The following ADGRV1 variants were observed in gnomAD, a reference collection of about 807,000 sequenced individuals.
ADGRV1 encodes G-protein coupled receptor 98.
ADGRV1 carries 359 observed loss-of-function variants against 596.2 expected under a neutral mutation model. The ratio of observed to expected loss-of-function variants is 0.60; its 90% CI spans 0.55 to 0.66. The LOEUF (loss-of-function observed/expected upper bound fraction) is 0.66, where lower values mean the gene tolerates loss of function less well. ADGRV1 is among the 30% of genes least tolerant of loss of function. The pLI, the probability that ADGRV1 is intolerant of heterozygous loss-of-function variation, is 0.00. For missense variants in ADGRV1, 7,274 were observed against 7,575.6 expected, an observed-to-expected ratio of 0.96 and a Z score of 1.48; for synonymous variants, 2,681 against 2,679.2, an observed-to-expected ratio of 1.00 and a Z score of -0.02.
chr5:91,122,791 C>T (rs1275361721), intron 87 of ADGRV1, among the ~76,000 whole-genome samples: 1 of 152,194 alleles, frequency 6.6e-6, no homozygotes. Context: ...TTTTCTCTTT[C>T]TCTTGCCCCC....
At chr5:90,662,206 T>TC (rs1770429975) in intron 21 of ADGRV1, among the ~76,000 whole-genome samples, 1 of 150,400 alleles carries the variant, frequency 6.6e-6, no homozygotes, top group Non-Finnish European at 1.5e-5. Context: ...TTTTTTTTTT[T>TC]TGAGACGGAG....
At chr5:90,620,025 A>G (rs1011406494) in intron 4 of ADGRV1, among the ~76,000 whole-genome samples, 1 of 151,820 alleles carries the variant, frequency 6.6e-6, no homozygotes, top group Admixed American at 6.6e-5. Flanking sequence ...GTTGGTTCCA[A>G]GTCTTTGCTA....
At chr5:90,815,857 C>CGTCT (rs1341819323) in intron 75 of ADGRV1, 121 bp downstream of exon 75, 3 of 616,008 alleles carry the variant, frequency 4.9e-6, no homozygotes, top group Admixed American at 2.3e-5. Context: ...GAATTTGGCA[C>CGTCT]GTCTTCAGAT....
intron 86 of ADGRV1, among the ~76,000 whole-genome samples, chr5:91,086,289 C>T (rs919283774): frequency 5.3e-5 from 8 of 152,130 alleles, no homozygotes; most frequent in Non-Finnish European, 1.0e-4. Context: ...CTTTTGGATA[C>T]ATTCACTTGG....
At chr5:91,161,074 A>G (rs2126960713) in intron 89 of ADGRV1, among the ~76,000 whole-genome samples, 1 of 152,196 alleles carries the variant, frequency 6.6e-6, no homozygotes, top group South Asian at 2.1e-4. Context: ...AATCACTGGG[A>G]GTTGGTACTA....
intron 50 of ADGRV1, among the ~76,000 whole-genome samples, chr5:90,743,471 CTT>C (rs10942607): frequency 4.7e-3 from 573 of 120,888 alleles, no homozygotes; most frequent in South Asian, 0.016. Flanking sequence ...CATTTGATAT[CTT>C]TTTTTTTTTT....
At chr5:91,136,050 C>G (rs1044993623) in intron 87 of ADGRV1, among the ~76,000 whole-genome samples, 1 of 152,086 alleles carries the variant, frequency 6.6e-6, no homozygotes, top group South Asian at 2.1e-4. Context: ...GTTCAGTATG[C>G]TTGGAGTGGG....
At chr5:90,772,392 C>T (rs7720206) in intron 59 of ADGRV1, among the ~76,000 whole-genome samples, 62,141 of 151,920 alleles carry the variant, frequency 0.41, 14,675 homozygotes, top group Admixed American at 0.58. Flanking sequence ...TTTATTATCA[C>T]TTTTTTAAAT....
rs150293005 is a variant in ADGRV1 at position 91,089,440 on chromosome 5, A to C, written c.18311-12779A>C. Among the ~76,000 whole-genome samples the C allele has an allele frequency of 4.7e-3, 713 of 152,230 alleles. 5 individuals carry two copies. Among genetic ancestry groups the C allele is most frequent in the African/African-American group, 0.016 (684 of 41,576 alleles). Reference sequence around the variant, plus strand: ...GCAAGGGAAGTAAAAAAAAAATCAAATCAAATTTTAAATTTGTATTACAGT... The same window carrying C: ...GCAAGGGAAGTAAAAAAAAAATCAACTCAAATTTTAAATTTGTATTACAGT... On this transcript the variant is annotated intron_variant, in intron 86 of 89. Coordinates refer to ENST00000405460, the MANE Select transcript of ADGRV1 (RefSeq NM_032119.4).
intron 86 of ADGRV1, among the ~76,000 whole-genome samples, chr5:91,084,377 T>C (rs1334488003): frequency 5.9e-5 from 9 of 151,976 alleles, no homozygotes; most frequent in Non-Finnish European, 1.3e-4. Context: ...TAAACAAATT[T>C]ATAAGAAAAA....
At chr5:90,914,456 C>T (rs1229470516) in intron 83 of ADGRV1, among the ~76,000 whole-genome samples, 1 of 152,080 alleles carries the variant, frequency 6.6e-6, no homozygotes, top group East Asian at 1.9e-4. Flanking sequence ...TTAAATAAAA[C>T]TGTGAATGTA....
chr5:90,993,997 G>A (rs907463676), intron 85 of ADGRV1, among the ~76,000 whole-genome samples: 1 of 145,522 alleles, frequency 6.9e-6, no homozygotes, highest in African/African-American at 2.5e-5. Flanking sequence ...TTTTCTTCCT[G>A]GTTATACCTA....
chr5:91,087,897 CT>C (rs1485925266), intron 86 of ADGRV1, among the ~76,000 whole-genome samples: 1 of 152,048 alleles, frequency 6.6e-6, no homozygotes, highest in African/African-American at 2.4e-5. Context: ...ATCATTCTGC[CT>C]TTTTTTGTGA....
rs200786131 is a variant in ADGRV1, at chr5:90,974,420, A to G, written c.17973+8889A>G. On this transcript the variant is annotated intron_variant, in intron 84 of 89. Transcript: ENST00000405460. ...AATCTTAAGCCAAAAGAACAAAGCT[A>G]GAGGCATCACACTACCTGACTTCAA... Among the ~76,000 whole-genome samples, 94 of 152,268 alleles carry G rather than the reference A, an allele frequency of 6.2e-4. 3 individuals carry two copies. In the South Asian group the frequency reaches 0.019, roughly 30 times the overall value.
chr5:90,631,837 G>A (rs1394863794), intron 9 of ADGRV1, among the ~76,000 whole-genome samples: 1 of 152,096 alleles, frequency 6.6e-6, no homozygotes, highest in Non-Finnish European at 1.5e-5. Flanking sequence ...AACACATTTA[G>A]AGCTATATTT....
At chr5:90,713,548 C>G (rs1749679434) in intron 42 of ADGRV1, among the ~76,000 whole-genome samples, 1 of 152,030 alleles carries the variant, frequency 6.6e-6, no homozygotes, top group African/African-American at 2.4e-5. Flanking sequence ...TTTATTTAAC[C>G]TGAGGATACA....
intron 76 of ADGRV1, among the ~76,000 whole-genome samples, chr5:90,826,451 C>CTTCTACCAATTA (rs1370629999): frequency 6.6e-6 from 1 of 152,166 alleles, no homozygotes; most frequent in Non-Finnish European, 1.5e-5. Flanking sequence ...AATATTAACT[C>CTTCTACCAATTA]TTCTACCAAT....
intron 85 of ADGRV1, among the ~76,000 whole-genome samples, chr5:91,035,861 T>TATATATAATATATATATATATATATA: frequency 1.0e-5 from 1 of 96,400 alleles, no homozygotes; most frequent in Non-Finnish European, 2.2e-5. Flanking sequence ...TATATATATA[T>TATATATAATATATATATATATATATA]TATATATATA....
chr5:91,137,558 C>T (rs1794748772), intron 87 of ADGRV1, among the ~76,000 whole-genome samples: 1 of 152,148 alleles, frequency 6.6e-6, no homozygotes, highest in Non-Finnish European at 1.5e-5. Context: ...ATATAGTAGA[C>T]ACTCAAAAAC....
Sources: gnomAD v4.1 joint callset for allele counts (sites outside exome capture counted in the v4.1 genomes callset) on GRCh38, gnomAD v4.1.1 for gene constraint, MANE v1.5 for transcripts, NCBI Gene and HGNC (gene_info 2026-07-23, HGNC 2026-07-21) for gene names.